Variants in PRH1 observed in about 807,000 individuals in gnomAD.
PRH1 encodes proline rich protein HaeIII subfamily 1, also known as salivary acidic proline-rich phosphoprotein 1/2.
Under a neutral mutation model 7.9 loss-of-function variants are expected in PRH1, and 7 were observed. That is an observed-to-expected ratio of 0.89 (90% confidence interval 0.50 to 1.67). PRH1 has a LOEUF of 1.67. Ranked by LOEUF, PRH1 falls within the 40% of genes most tolerant of loss-of-function variation. PRH1 has a pLI of 0.00. For synonymous variants in PRH1, 45 were observed against 80.8 expected, an observed-to-expected ratio of 0.56 and a Z score of 2.38; for missense variants, 109 against 223.6, an observed-to-expected ratio of 0.49 and a Z score of 3.27.
Position 10,882,174 on chromosome 12 carries a change from G to A in PRH1, c.*18+43C>T. On this transcript the variant is annotated intron_variant, in intron 3 of 3. Transcript: ENST00000543626. ...ATTGGCACAATGAAGTTGGAGAACT[G>A]TAGCAGTTGGAGCCTTTGATGGATA... The A allele has an allele frequency of 2.5e-6, 4 of 1,608,770 alleles. No individual in the cohort carries two copies. The South Asian group carries it at 3.3e-5, about 13-fold the overall frequency.
At chr12:11,028,021 G>A (rs1942004839) in intron 1 of PRH1, among the ~76,000 whole-genome samples, 1 of 152,164 alleles carries the variant, frequency 6.6e-6, no homozygotes, top group African/African-American at 2.4e-5. Context: ...ACAAGGAGTG[G>A]CGGTACTGGA....
chr12:11,109,984 T>C (rs751849148), intron 1 of PRH1, among the ~76,000 whole-genome samples: 1 of 152,076 alleles, frequency 6.6e-6, no homozygotes, highest in Admixed American at 6.5e-5. Flanking sequence ...AATGACCTGA[T>C]GGAGCTGAAA....
chr12:11,170,441 G>A (rs1458597283), intron 1 of PRH1, among the ~76,000 whole-genome samples: 1 of 152,232 alleles, frequency 6.6e-6, no homozygotes, highest in Non-Finnish European at 1.5e-5. Flanking sequence ...CAGCTACTCA[G>A]GAGGCTGAGG....
intron 1 of PRH1, among the ~76,000 whole-genome samples, chr12:11,105,550 C>T (rs2600349): frequency 0.46 from 69,212 of 152,020 alleles, 16,568 homozygotes; most frequent in Non-Finnish European, 0.53. Flanking sequence ...TCAAACACAA[C>T]GTCCTTGCTG....
At chr12:10,909,171 G>A in intron 2 of PRH1, 2 of 1,613,958 alleles carry the variant, frequency 1.2e-6, no homozygotes, top group Non-Finnish European at 1.7e-6. Flanking sequence ...TTTATCGACT[G>A]AGGACAGCTC....
chr12:10,946,625 T>A (rs915162038), intron 2 of PRH1, among the ~76,000 whole-genome samples: 10 of 152,350 alleles, frequency 6.6e-5, no homozygotes, highest in African/African-American at 2.4e-4. Flanking sequence ...GTTTTTTGTG[T>A]CTTAATTTCC....
At chr12:11,074,791 A>C (rs1288686302) in intron 1 of PRH1, among the ~76,000 whole-genome samples, 1 of 115,812 alleles carries the variant, frequency 8.6e-6, no homozygotes, top group East Asian at 2.1e-4. Context: ...AACTTTGGCC[A>C]AAGGTAAATA....
intron 2 of PRH1, among the ~76,000 whole-genome samples, chr12:10,962,016 G>A (rs569599733): frequency 6.6e-6 from 1 of 152,164 alleles, no homozygotes; most frequent in African/African-American, 2.4e-5. Context: ...CACTTTCCAC[G>A]TGCTCTTGCC....
chr12:11,091,418 T>A lies in PRH1; in HGVS notation n.124-44230A>T. 3.5e-6 allele frequency: 4 copies of A among 1,137,596 alleles called. 1 individual carries two copies. The highest frequency in any genetic ancestry group is 4.9e-6 in the Non-Finnish European group (4 of 815,608). The allele number at this position is 1,137,596 out of a possible 1,614,324, so 70.5% of individuals were successfully genotyped here. Reference sequence around the variant, plus strand: ...CAGGATGAATGGGTGGATTGAAGGATAGCTGAATCTAATAGCTTTGCAGAA... The same window carrying A: ...CAGGATGAATGGGTGGATTGAAGGAAAGCTGAATCTAATAGCTTTGCAGAA... On this transcript the variant is annotated intron_variant and non_coding_transcript_variant, in intron 1 of 4. Coordinates refer to the PRH1 transcript ENST00000541977.
At chr12:10,982,862 C>T (rs892717729) in intron 1 of PRH1, among the ~76,000 whole-genome samples, 1 of 152,068 alleles carries the variant, frequency 6.6e-6, no homozygotes, top group Non-Finnish European at 1.5e-5. Context: ...TGGCATGTTG[C>T]CCTATATATA....
intron 1 of PRH1, chr12:11,097,052 C>T: frequency 7.8e-6 from 1 of 127,714 alleles, no homozygotes; most frequent in South Asian, 1.2e-4. Flanking sequence ...CCCACCTAGG[C>T]CTCCCAAAGT....
intron 1 of PRH1, among the ~76,000 whole-genome samples, chr12:11,110,313 A>G (rs1339661109): frequency 6.6e-6 from 1 of 152,210 alleles, no homozygotes; most frequent in Admixed American, 6.5e-5. Flanking sequence ...CAGGGAATAC[A>G]GAGAACACCA....
chr12:10,950,436 C>T (rs1323421991), intron 2 of PRH1, among the ~76,000 whole-genome samples: 1 of 151,840 alleles, frequency 6.6e-6, no homozygotes, highest in Non-Finnish European at 1.5e-5. Flanking sequence ...TTAAACTTAA[C>T]ATTTTACAAT....
At chr12:11,031,533 T>C (rs1304352637) in intron 1 of PRH1, 1 of 542,876 alleles carries the variant, frequency 1.8e-6, no homozygotes, top group Non-Finnish European at 2.9e-6. Flanking sequence ...AGGACAAAGC[T>C]TCCACCGGGA....
chr12:11,073,312 A>T (rs797000815), intron 1 of PRH1, among the ~76,000 whole-genome samples: 2,195 of 70,660 alleles, frequency 0.031, 14 homozygotes, highest in Non-Finnish European at 0.045. Flanking sequence ...TTTTTTTTTT[A>T]AAGTAGAGAC....
intron 1 of PRH1, among the ~76,000 whole-genome samples, chr12:11,063,200 A>G (rs1943685770): frequency 6.6e-6 from 1 of 152,152 alleles, no homozygotes; most frequent in Admixed American, 6.6e-5. Flanking sequence ...AGAATTCCTG[A>G]GTACCCAACC....
intron 1 of PRH1, among the ~76,000 whole-genome samples, chr12:11,150,669 G>GC (rs1947050835): frequency 6.6e-6 from 1 of 152,076 alleles, no homozygotes; most frequent in Non-Finnish European, 1.5e-5. Flanking sequence ...GGGGACAGTT[G>GC]TGGGGTTGGG....
chr12:10,908,142 A>C (rs1483459952), intron 2 of PRH1: 2 of 436,114 alleles, frequency 4.6e-6, no homozygotes, highest in African/African-American at 4.1e-5. Context: ...TTACAATAGA[A>C]TCTGCCAATA....
chr12:10,908,358 T>C, intron 2 of PRH1: 3 of 1,584,732 alleles, frequency 1.9e-6, no homozygotes, highest in South Asian at 1.2e-5. Flanking sequence ...TAATCTGTGG[T>C]CTGAATGGCT....
Sources: allele counts gnomAD v4.1 joint callset (sites outside exome capture counted in the v4.1 genomes callset), GRCh38; gene constraint gnomAD v4.1.1; transcripts MANE v1.5; gene names NCBI Gene and HGNC (gene_info 2026-07-23, HGNC 2026-07-21).